Variants in PCDHGA3 observed in about 807,000 individuals in gnomAD.
PCDHGA3 encodes the protein protocadherin gamma subfamily A, 3.
Under a neutral mutation model 58.5 loss-of-function variants are expected in PCDHGA3, and 40 were observed. That is an observed-to-expected ratio of 0.68 (90% CI 0.53 to 0.89). The LOEUF is 0.89. Among genes scored for constraint, PCDHGA3 ranks in the 40% least tolerant of loss-of-function variants. PCDHGA3 has a pLI of 0.00. For missense variants in PCDHGA3, 1,223 were observed against 1,195.9 expected (o/e 1.02, Z -0.33); for synonymous variants, 530 against 525.7 (o/e 1.01, Z -0.11).
At chr5:141,390,646 C>G (rs2092199925) in intron 1 of PCDHGA3, 1 of 218,218 alleles carries the variant, frequency 4.6e-6, no homozygotes, top group Non-Finnish European at 9.0e-6. Flanking sequence ...CTTTTTTCAG[C>G]TTGGATATAC....
At chr5:141,383,559 G>C in intron 1 of PCDHGA3, 1 of 1,612,810 alleles carries the variant, frequency 6.2e-7, no homozygotes, top group Non-Finnish European at 8.5e-7. Context: ...GCGGCGACCC[G>C]CCCCGATCCA....
chr5:141,486,555 A>T lies in PCDHGA3; in HGVS notation c.2425-8252A>T, dbSNP rs746001345. The T allele has an allele frequency of 6.2e-6, 10 of 1,614,078 alleles. No individual in the cohort carries two copies. Among genetic ancestry groups the T allele is most frequent in the Non-Finnish European group, 7.6e-6 (9 of 1,180,022 alleles). ...CCCTCTTTCTTTCAGAGGTCACATGAGGTGTTTGTTCCTGAGAACAATCGC... is the reference window on the plus strand; with the variant it reads ...CCCTCTTTCTTTCAGAGGTCACATGTGGTGTTTGTTCCTGAGAACAATCGC... On this transcript the variant is annotated intron_variant, in intron 1 of 3. Transcript: ENST00000253812. This position sits in a 1 kb window ranked among gnomAD's most constrained non-coding sequence, Gnocchi z 5.0.
At chr5:141,427,515 G>A (rs753526003) in intron 1 of PCDHGA3, 16 of 596,944 alleles carry the variant, frequency 2.7e-5, no homozygotes, top group African/African-American at 2.2e-4. Context: ...CCTGGATTGG[G>A]AGCGGATCCC....
intron 3 of PCDHGA3, among the ~76,000 whole-genome samples, chr5:141,509,583 A>G (rs1008344833): frequency 7.2e-5 from 11 of 152,320 alleles, no homozygotes; most frequent in African/African-American, 2.4e-4. Flanking sequence ...CGTACAAATC[A>G]GCTGGCAATT....
At chr5:141,459,108 A>G (rs1240280274) in intron 1 of PCDHGA3, among the ~76,000 whole-genome samples, 1 of 152,216 alleles carries the variant, frequency 6.6e-6, no homozygotes, top group Non-Finnish European at 1.5e-5. Flanking sequence ...ATGCATTTTG[A>G]CAATTGTTTA....
intron 1 of PCDHGA3, chr5:141,428,598 C>T (rs2097150047): frequency 4.5e-6 from 1 of 224,296 alleles, no homozygotes; most frequent in African/African-American, 2.3e-5. Context: ...TAGCAAGCTT[C>T]ACTGAAGAGA....
At chr5:141,478,498 G>A in intron 1 of PCDHGA3, 8 of 1,612,712 alleles carry the variant, frequency 5.0e-6, no homozygotes, top group South Asian at 1.1e-5. Context: ...GCTGTGATCC[G>A]GTGTTCTATA....
At chr5:141,377,488 C>T (rs1774054188) in intron 1 of PCDHGA3, 1 of 151,792 alleles carries the variant, frequency 6.6e-6, no homozygotes, top group Admixed American at 6.6e-5. Flanking sequence ...CCCAGCTACT[C>T]GAGAAGCTCT....
At chr5:141,413,702 T>G (rs1448671585) in intron 1 of PCDHGA3, 4 of 1,613,606 alleles carry the variant, frequency 2.5e-6, no homozygotes, top group Non-Finnish European at 3.4e-6. Flanking sequence ...AGCTATCAGC[T>G]CAGCCCCAAT....
Position 141,485,086 on chromosome 5 carries a change from A to T in PCDHGA3, c.2425-9721A>T. 1.0e-6 allele frequency: 1 copy of T among 999,576 alleles called. No individual in the cohort carries two copies. Among genetic ancestry groups the T allele is most frequent in the Non-Finnish European group, 1.5e-6 (1 of 651,740 alleles). 61.9% of individuals were successfully genotyped at this position (999,576 alleles called of 1,614,324 possible). A position where few individuals can be genotyped will look rare whatever the true frequency, so the allele number is the denominator to read the frequency against. On this transcript the variant is annotated intron_variant, in intron 1 of 3. Transcript: ENST00000253812. The surrounding 1 kb of genome is among the most constrained non-coding windows in gnomAD (Gnocchi z 5.7). The stretch of plus-strand genomic sequence containing the variant: ...CCAGAGCTGGCGCGGGGAAAGGGAG[A>T]TAGGTGTCTCCAGCTGCTGTGGCTG...
intron 1 of PCDHGA3, chr5:141,415,060 G>C (rs1428839232): frequency 1.2e-6 from 2 of 1,613,426 alleles, no homozygotes; most frequent in Admixed American, 1.7e-5. Flanking sequence ...GCACACGGGC[G>C]AGGTGCGCAC....
chr5:141,430,657 A>G (rs2097300740), intron 1 of PCDHGA3: 1 of 1,093,240 alleles, frequency 9.1e-7, no homozygotes, highest in African/African-American at 1.6e-5. Flanking sequence ...GAAACAACGG[A>G]GGAGCTCTGA....
intron 1 of PCDHGA3, chr5:141,389,929 T>A: frequency 6.2e-7 from 1 of 1,614,012 alleles, no homozygotes; most frequent in Non-Finnish European, 8.5e-7. Context: ...CCCTCTGACC[T>A]CCAGGCTGAG....
At chr5:141,481,913 C>CAA (rs34114744) in intron 1 of PCDHGA3, among the ~76,000 whole-genome samples, 26 of 90,736 alleles carry the variant, frequency 2.9e-4, no homozygotes, top group Non-Finnish European at 3.5e-4. Context: ...AACTCCATCT[C>CAA]AAAAAAAAAA....
chr5:141,413,386 G>A (rs757396075), intron 1 of PCDHGA3: 6 of 1,613,884 alleles, frequency 3.7e-6, no homozygotes, highest in African/African-American at 1.3e-5. Context: ...AGTCCGCATA[G>A]TCTCCAGAGG....
intron 2 of PCDHGA3, among the ~76,000 whole-genome samples, chr5:141,503,075 G>C (rs1373753092): frequency 6.6e-6 from 1 of 151,438 alleles, no homozygotes; most frequent in Non-Finnish European, 1.5e-5. Context: ...GAATGGTCTC[G>C]ATCTCCTGAC....
rs777535962 is a variant in PCDHGA3, at chr5:141,431,195, G to T, written c.2425-63612G>T. The T allele has an allele frequency of 1.2e-6, 2 of 1,614,166 alleles. No homozygotes were observed. Among genetic ancestry groups the T allele is most frequent in the East Asian group, 2.2e-5 (1 of 44,890 alleles). On this transcript the variant is annotated intron_variant, in intron 1 of 3. Transcript: ENST00000253812. The surrounding 1 kb of genome is among the most constrained non-coding windows in gnomAD (Gnocchi z 4.8). ...ATTAGAAATAAAAATTAGTGAAAAT[G>T]CAGCCACTGAGATGCGGTTCCCTCT... is the stretch of plus-strand genomic sequence containing the variant.
intron 1 of PCDHGA3, chr5:141,371,313 C>G: frequency 6.2e-7 from 1 of 1,613,964 alleles, no homozygotes; most frequent in Non-Finnish European, 8.5e-7. Context: ...TATTGGAGAA[C>G]TGGACTTTGA....
At chr5:141,350,322 C>CTT in intron 1 of PCDHGA3, 1 of 1,532,296 alleles carries the variant, frequency 6.5e-7, no homozygotes, top group Non-Finnish European at 8.8e-7. Context: ...TTCCTGCTGT[C>CTT]TTTGTTCTGC....
Sources: allele counts gnomAD v4.1 joint callset (sites outside exome capture counted in the v4.1 genomes callset), GRCh38; gene constraint gnomAD v4.1.1; non-coding constraint Gnocchi (gnomAD v3.1); transcripts MANE v1.5; gene names NCBI Gene and HGNC (gene_info 2026-07-23, HGNC 2026-07-21).